The following RIPK4 variants were observed in gnomAD, a reference collection of about 807,000 sequenced individuals.
RIPK4 encodes the protein receptor interacting serine/threonine kinase 4, also known as receptor-interacting serine/threonine-protein kinase 4.
In RIPK4, 17 loss-of-function variants were observed where a neutral mutation model predicts 42.9. That is an observed-to-expected ratio of 0.40 (90% CI 0.27 to 0.59). The LOEUF (loss-of-function observed/expected upper bound fraction) is 0.59. Among genes scored for constraint, RIPK4 ranks in the 20% least tolerant of loss-of-function variants. RIPK4 has a pLI of 0.47. For synonymous variants in RIPK4, 498 were observed against 499.1 expected, an observed-to-expected ratio of 1.00 and a Z score of 0.03; for missense variants, 897 against 1,104.4, an observed-to-expected ratio of 0.81 and a Z score of 2.66.
At chr21:41,764,197 C>T (rs79251615) in intron 1 of RIPK4, among the ~76,000 whole-genome samples, 2 of 152,206 alleles carry the variant, frequency 1.3e-5, no homozygotes, top group African/African-American at 4.8e-5. Context: ...AGCAAGCTCA[C>T]ATGGCCTGGC....
intron 5 of RIPK4, 58 bp downstream of exon 5, chr21:41,746,555 T>C (rs1394335366): frequency 3.3e-5 from 53 of 1,590,272 alleles, no homozygotes; most frequent in African/African-American, 4.0e-5. Context: ...GTCCTGTCTG[T>C]CACCTCTGTC....
rs772497449 is a variant in RIPK4 at position 41,749,181 on chromosome 21, C to T, written c.646G>A (p.Val216Met). The change falls in exon 4 of 8, where the codon GTG becomes ATG. Residue 216 changes from valine (V) to methionine (M), a missense_variant. Val to Met is a conservative substitution (Grantham distance 21). Coordinates refer to ENST00000332512, the MANE Select transcript of RIPK4 (RefSeq NM_020639.3). Reference sequence around the variant, plus strand: ...GCAAACGGCTTCTTCTGTGTGAGCACGCCCCAGATGACGATCGCAAAGCTG... The same window carrying T: ...GCAAACGGCTTCTTCTGTGTGAGCATGCCCCAGATGACGATCGCAAAGCTG... ...VYSFAIVIWG[V>M]LTQKKPFADE... The T allele has an allele frequency of 2.9e-5, 47 of 1,613,872 alleles. No homozygotes were observed. Among genetic ancestry groups the T allele is most frequent in the African/African-American group, 5.3e-5 (4 of 75,006 alleles).
chr21:41,746,787 T>C lies in RIPK4; in HGVS notation c.674-16A>G. 1.3e-6 allele frequency: 2 copies of C among 1,569,692 alleles called. 1 individual carries two copies. Among genetic ancestry groups the C allele is most frequent in the South Asian group, 2.4e-5 (2 of 84,690 alleles). ...TTCTTCTCATCTGCCAAGGGAAGGA[T>C]GCGAGTCAGGGGCTCTGCAGGGCTG... On this transcript the variant is annotated splice_polypyrimidine_tract_variant and intron_variant, in intron 4 of 7. Transcript: ENST00000332512.
rs867236386 is a variant in RIPK4 at position 41,740,594 on chromosome 21, C to T, written c.*244G>A. The T allele has an allele frequency of 1.9e-6, 1 of 533,030 alleles. No individual in the cohort carries two copies. The highest frequency in any genetic ancestry group is 3.3e-6 in the Non-Finnish European group (1 of 302,408). 33.0% of individuals were successfully genotyped at this position (533,030 alleles called of 1,614,324 possible). On this transcript the variant is annotated 3_prime_UTR_variant, in exon 8 of 8. Transcript: ENST00000332512. ...AGCACAACGAAATGATTCTGACCCA[C>T]GGTCCCTTCAGACAGCAGGTGCCTA... is the stretch of plus-strand genomic sequence containing the variant.
Position 41,755,316 on chromosome 21 carries a change from C to A in RIPK4, c.474+1209G>T, listed in dbSNP as rs1176585410. Reference sequence around the variant, plus strand: ...TAGCTGAAATCTTATTACTGCGCAACACCTACCTAAGAGACAACTTATAAT... The same window carrying A: ...TAGCTGAAATCTTATTACTGCGCAAAACCTACCTAAGAGACAACTTATAAT... On this transcript the variant is annotated intron_variant, in intron 2 of 7. Transcript: ENST00000332512. This position sits in a 1 kb window ranked among gnomAD's most constrained non-coding sequence, Gnocchi z 4.2. Among the ~76,000 whole-genome samples the A allele has an allele frequency of 2.0e-5, 3 of 152,238 alleles. No individual in the cohort carries two copies. The highest frequency in any genetic ancestry group is 4.4e-5 in the Non-Finnish European group (3 of 68,038).
intron 2 of RIPK4, among the ~76,000 whole-genome samples, chr21:41,752,244 T>C (rs1253937684): frequency 6.6e-6 from 1 of 152,174 alleles, no homozygotes; most frequent in Non-Finnish European, 1.5e-5. Flanking sequence ...ACCCTTTTCA[T>C]TAACTCTTGA....
At chr21:41,766,121 C>CG (rs2061235346) in intron 1 of RIPK4, among the ~76,000 whole-genome samples, 1 of 152,228 alleles carries the variant, frequency 6.6e-6, no homozygotes. Context: ...CCTTCCCTAG[C>CG]GGGTCGGTCT....
intron 1 of RIPK4, among the ~76,000 whole-genome samples, chr21:41,760,059 A>G (rs1464599755): frequency 6.6e-6 from 1 of 152,250 alleles, no homozygotes; most frequent in Non-Finnish European, 1.5e-5. Context: ...TGTCACAACT[A>G]AAGGATGCTA....
intron 2 of RIPK4, among the ~76,000 whole-genome samples, chr21:41,753,479 C>T (rs1342578922): frequency 1.3e-5 from 2 of 152,190 alleles, no homozygotes. Context: ...CTAGGAGGGT[C>T]ACTGACCCTC....
chr21:41,761,183 C>T (rs73906708), intron 1 of RIPK4, among the ~76,000 whole-genome samples: 2,973 of 152,326 alleles, frequency 0.02, 98 homozygotes, highest in African/African-American at 0.068. Context: ...AGACGAGGAC[C>T]TGATGCCAAC....
In RIPK4 at chr21:41,751,372, G is replaced by A. The variant is rs572355112; in HGVS notation, c.475-127C>T. On this transcript the variant is annotated intron_variant, in intron 2 of 7. Transcript: ENST00000332512. The surrounding 1 kb of genome is among the most constrained non-coding windows in gnomAD (Gnocchi z 4.5). Reference sequence around the variant, plus strand: ...AGCTTTCCAGGAGCCCCTAAGAGCCGTGTCTGTGCCTCTCCAGGTAGCCCT... The same window carrying A: ...AGCTTTCCAGGAGCCCCTAAGAGCCATGTCTGTGCCTCTCCAGGTAGCCCT... 51 of 1,275,022 alleles carry A rather than the reference G, an allele frequency of 4.0e-5. No homozygotes were observed. The highest frequency in any genetic ancestry group is 1.6e-4 in the African/African-American group (11 of 67,086). 79.0% of individuals were successfully genotyped at this position (1,275,022 alleles called of 1,614,324 possible).
At chr21:41,744,285 C>T in intron 6 of RIPK4, 145 bp from the exon 7 acceptor site, 1 of 763,836 alleles carries the variant, frequency 1.3e-6, no homozygotes, top group Non-Finnish European at 2.1e-6. Context: ...TGCAGATAAC[C>T]TATTGGTCAC....
rs201919692 is a variant in RIPK4, at chr21:41,746,042, C to A, written c.833-180G>T. The A allele has an allele frequency of 4.1e-6, 3 of 723,096 alleles. No homozygotes were observed. In the Admixed American group the frequency reaches 5.8e-5, roughly 14 times the overall value. The allele number at this position is 723,096 out of a possible 1,614,324, so 44.8% of individuals were successfully genotyped here. Reference sequence around the variant, plus strand: ...AATTTGCTGGCCAAACCCAGGCCCCCCCATCGGTAATCATTTGAAGGCCTC... The same window carrying A: ...AATTTGCTGGCCAAACCCAGGCCCCACCATCGGTAATCATTTGAAGGCCTC... On this transcript the variant is annotated intron_variant, in intron 5 of 7. Coordinates refer to ENST00000332512, the MANE Select transcript of RIPK4 (RefSeq NM_020639.3).
intron 1 of RIPK4, among the ~76,000 whole-genome samples, chr21:41,759,633 G>A (rs1601683947): frequency 6.6e-6 from 1 of 152,214 alleles, no homozygotes; most frequent in African/African-American, 2.4e-5. Flanking sequence ...TCGGACACAG[G>A]CCTGCTCCTC....
At chr21:41,757,580 C>T (rs2061207633) in intron 1 of RIPK4, among the ~76,000 whole-genome samples, 1 of 151,908 alleles carries the variant, frequency 6.6e-6, no homozygotes, top group African/African-American at 2.4e-5. Flanking sequence ...TCACCTTCTC[C>T]GTTTAAGCCC....
At chr21:41,746,853 C>T in intron 4 of RIPK4, 82 bp from the exon 5 acceptor site, 4 of 1,470,552 alleles carry the variant, frequency 2.7e-6, no homozygotes, top group African/African-American at 1.4e-5. Context: ...GACACACTCG[C>T]CGGGGGCCAC....
At chr21:41,753,366 C>T (rs2061194051) in intron 2 of RIPK4, among the ~76,000 whole-genome samples, 1 of 152,206 alleles carries the variant, frequency 6.6e-6, no homozygotes, top group African/African-American at 2.4e-5. Context: ...CTGTCTTTGT[C>T]AGATAGAGCC....
At chr21:41,766,496 C>A (rs538727711) in intron 1 of RIPK4, among the ~76,000 whole-genome samples, 362 of 152,256 alleles carry the variant, frequency 2.4e-3, no homozygotes, top group African/African-American at 8.3e-3. Flanking sequence ...AGGCGCAAGG[C>A]GAGCTGGAGA....
rs751198551 is a variant in RIPK4 at position 41,746,890 on chromosome 21, G to C, written c.674-119C>G. 4.4e-6 allele frequency: 5 copies of C among 1,144,604 alleles called. No homozygotes were observed. The African/African-American group carries it at 4.7e-5, about 11-fold the overall frequency. The allele number at this position is 1,144,604 out of a possible 1,614,324, so 70.9% of individuals were successfully genotyped here. ...ATGGGGCCATCCCCACACCACCCCA[G>C]GGAGACGGCTCCCCCACTCCGTTTC... On this transcript the variant is annotated intron_variant, in intron 4 of 7. Coordinates refer to ENST00000332512, the MANE Select transcript of RIPK4 (RefSeq NM_020639.3).
Sources: gnomAD v4.1 joint callset for allele counts (sites outside exome capture counted in the v4.1 genomes callset) on GRCh38, gnomAD v4.1.1 for gene constraint, Gnocchi (gnomAD v3.1) non-coding constraint, MANE v1.5 for transcripts, NCBI Gene and HGNC (gene_info 2026-07-23, HGNC 2026-07-21) for gene names.